ZYG11B: variants seen among roughly 807,000 people sequenced by gnomAD.
The protein encoded by ZYG11B is protein zyg-11 homolog B.
Under a neutral mutation model 82.4 loss-of-function variants are expected in ZYG11B, and 36 were observed. That is an observed-to-expected ratio of 0.44 (90% CI 0.33 to 0.58). The LOEUF (loss-of-function observed/expected upper bound fraction) is 0.58, where lower values mean the gene tolerates loss of function less well. Ranked by LOEUF, ZYG11B falls within the 20% of genes least tolerant of loss-of-function variation. The pLI, the probability that ZYG11B is intolerant of heterozygous loss-of-function variation, is 0.02. For synonymous variants in ZYG11B, 303 were observed against 312.8 expected (o/e 0.97, Z 0.33); for missense variants, 552 against 895.6 (o/e 0.62, Z 4.90).
At chr1:52,738,606 CTTTT>C (rs11390068) in intron 1 of ZYG11B, among the ~76,000 whole-genome samples, 1 of 140,814 alleles carries the variant, frequency 7.1e-6, no homozygotes, top group African/African-American at 2.6e-5. Flanking sequence ...TTTCTAAGGA[CTTTT>C]TTTTTTTTTT....
At position 52,822,780 on chromosome 1, in the gene ZYG11B, TA is replaced by T. The variant is rs1571807408; in HGVS notation, c.*1152del. ...ATAACAGCACATATTTTTGACAGAT[TA>T]TTTTTTAGGCAATTACCTTTCCTTA... On this transcript the variant is annotated 3_prime_UTR_variant, in exon 14 of 14. Coordinates refer to ENST00000294353, the MANE Select transcript of ZYG11B (RefSeq NM_024646.3). 1.3e-5 allele frequency: 2 copies of T among 152,354 alleles called. No individual in the cohort carries two copies. The highest frequency in any genetic ancestry group is 2.1e-4 in the South Asian group (1 of 4,828). The allele number at this position is 152,354 out of a possible 1,614,324, so 9.4% of individuals were successfully genotyped here.
intron 13 of ZYG11B, among the ~76,000 whole-genome samples, chr1:52,817,940 C>T (rs777034342): frequency 1.3e-4 from 18 of 143,336 alleles, no homozygotes; most frequent in Non-Finnish European, 2.6e-4. Context: ...CAGGTTCAAG[C>T]GATTCTCTTG....
chr1:52,796,702 G>C, intron 7 of ZYG11B, 32 bp from the exon 8 acceptor site: 1 of 1,573,116 alleles, frequency 6.4e-7, no homozygotes, highest in Non-Finnish European at 8.7e-7. Context: ...ATGAGTTCTT[G>C]GACATTGAAT....
chr1:52,797,610 G>A (rs1172176187), intron 8 of ZYG11B, among the ~76,000 whole-genome samples: 1 of 145,502 alleles, frequency 6.9e-6, no homozygotes, highest in Non-Finnish European at 1.5e-5. Flanking sequence ...CCAGGTTCAC[G>A]CCATTCTCCT....
chr1:52,815,200 ATT>A lies in ZYG11B; in HGVS notation c.1946+1290_1946+1291del, dbSNP rs151320792. On this transcript the variant is annotated intron_variant, in intron 12 of 13. Transcript: ENST00000294353. ...TTGGTTGGGGAAACAGTTTGTAATA[ATT>A]TATTAAAGGGCATACTGGGCCTGGC... is the stretch of plus-strand genomic sequence containing the variant. Among the ~76,000 whole-genome samples the A allele has an allele frequency of 6.4e-3, 975 of 151,974 alleles. 14 individuals carry two copies. The highest frequency in any genetic ancestry group is 0.023 in the African/African-American group (937 of 41,454).
chr1:52,743,510 G>A (rs1404473986), intron 1 of ZYG11B, among the ~76,000 whole-genome samples: 6 of 150,844 alleles, frequency 4.0e-5, no homozygotes, highest in African/African-American at 1.5e-4. Context: ...TCAGGAGTTC[G>A]AGACCAGCCT....
chr1:52,762,308 A>G (rs1644638895), intron 2 of ZYG11B, among the ~76,000 whole-genome samples: 1 of 151,576 alleles, frequency 6.6e-6, no homozygotes, highest in Admixed American at 6.6e-5. Flanking sequence ...CCCAGGCTCA[A>G]GCAATCCTCC....
chr1:52,767,094 A>G (rs12040433), intron 2 of ZYG11B, among the ~76,000 whole-genome samples: 36,899 of 147,276 alleles, frequency 0.25, 5,700 homozygotes, highest in Non-Finnish European at 0.34. Flanking sequence ...ATGTTATATT[A>G]TTTTGTTATG....
At chr1:52,809,128 T>C (rs1645163923) in intron 10 of ZYG11B, among the ~76,000 whole-genome samples, 1 of 152,206 alleles carries the variant, frequency 6.6e-6, no homozygotes, top group African/African-American at 2.4e-5. Context: ...TGCTTAGGTT[T>C]TAATTTACTT....
In ZYG11B at chr1:52,824,135, GA is replaced by G. The variant is rs924465633; in HGVS notation, c.*2516del. On this transcript the variant is annotated 3_prime_UTR_variant, in exon 14 of 14. Transcript: ENST00000294353. ...CTGGACAACGGAGTGAGACTCTGGG[GA>G]AAAAAAAAATTAAACTTCCTACTTT... 44 of 148,276 alleles carry G rather than the reference GA, an allele frequency of 3.0e-4. No individual in the cohort carries two copies. The highest frequency in any genetic ancestry group is 9.4e-4 in the African/African-American group (38 of 40,574). The allele number at this position is 148,276 out of a possible 1,614,324, so 9.2% of individuals were successfully genotyped here. A position where few individuals can be genotyped will look rare whatever the true frequency, so the allele number is the denominator to read the frequency against.
rs553211628 is a variant in ZYG11B, at chr1:52,788,463, G to A, written c.1270-1540G>A. On this transcript the variant is annotated intron_variant, in intron 5 of 13. Coordinates refer to ENST00000294353, the MANE Select transcript of ZYG11B (RefSeq NM_024646.3). The stretch of plus-strand genomic sequence containing the variant: ...TGTTGAAGTCAGACTATGTGCACCT[G>A]TGCCAAGTTCTAAGCATTCAGATAC... Among the ~76,000 whole-genome samples the A allele has an allele frequency of 2.6e-5, 4 of 152,320 alleles. No homozygotes were observed. In the East Asian group the frequency reaches 7.7e-4, roughly 29 times the overall value.
At chr1:52,788,015 G>A (rs1571779342) in intron 5 of ZYG11B, among the ~76,000 whole-genome samples, 4 of 152,174 alleles carry the variant, frequency 2.6e-5, no homozygotes, top group South Asian at 4.2e-4. Context: ...ATTTCCCATG[G>A]AGAAAAGCAG....
At chr1:52,730,244 C>G (rs1644319183) in intron 1 of ZYG11B, among the ~76,000 whole-genome samples, 1 of 152,150 alleles carries the variant, frequency 6.6e-6, no homozygotes, top group African/African-American at 2.4e-5. Flanking sequence ...TGTGTTGACA[C>G]TGGGGAAATG....
At chr1:52,735,057 A>C (rs868765636) in intron 1 of ZYG11B, among the ~76,000 whole-genome samples, 2 of 138,348 alleles carry the variant, frequency 1.4e-5, no homozygotes, top group East Asian at 4.3e-4. Context: ...TTTGAGACGG[A>C]GTTTCTCTCG....
At chr1:52,772,802 T>C (rs11206012) in intron 3 of ZYG11B, among the ~76,000 whole-genome samples, 89,818 of 151,650 alleles carry the variant, frequency 0.59, 29,312 homozygotes, top group East Asian at 0.96. Context: ...CTCAGTCCCC[T>C]GAGTAACTGG....
chr1:52,771,462 T>A lies in ZYG11B; in HGVS notation c.639T>A (p.Ser213=). The change falls in exon 3 of 14, where the codon TCT becomes TCA. Residue 213 remains serine, a synonymous_variant. Transcript: ENST00000294353. This position sits in a 1 kb window ranked among gnomAD's most constrained non-coding sequence, Gnocchi z 5.4. ...ALLACKDRLK[S]LTMHHLKCLK... ...TGGCCTGCAAAGACCGACTCAAGTCTCTAACCATGCACCACTTGAAATGTT... is the reference window on the plus strand; with the variant it reads ...TGGCCTGCAAAGACCGACTCAAGTCACTAACCATGCACCACTTGAAATGTT... 6.2e-7 allele frequency: 1 copy of A among 1,613,672 alleles called. No homozygotes were observed. The highest frequency in any genetic ancestry group is 8.5e-7 in the Non-Finnish European group (1 of 1,179,876).
chr1:52,768,550 T>C (rs1356603754), intron 2 of ZYG11B, among the ~76,000 whole-genome samples: 1 of 152,140 alleles, frequency 6.6e-6, no homozygotes, highest in Admixed American at 6.6e-5. Flanking sequence ...TTTAAGACTT[T>C]GCTTATGTTG....
intron 3 of ZYG11B, among the ~76,000 whole-genome samples, chr1:52,773,987 G>A (rs942975858): frequency 6.6e-6 from 1 of 151,632 alleles, no homozygotes; most frequent in Non-Finnish European, 1.5e-5. Context: ...TCTTAAGGGT[G>A]AGTAGCTCAG....
rs192294001 is a variant in ZYG11B at position 52,799,741 on chromosome 1, G to A, written c.1486-2078G>A. On this transcript the variant is annotated intron_variant, in intron 8 of 13. Coordinates refer to ENST00000294353, the MANE Select transcript of ZYG11B (RefSeq NM_024646.3). ...ATCGGGAAGGTGGAGGTTGCAGTGA[G>A]CCGAGACTGGGCCACTGCACTCCAG... Among the ~76,000 whole-genome samples, 65 of 152,142 alleles carry A rather than the reference G, an allele frequency of 4.3e-4. No homozygotes were observed. The East Asian group carries it at 9.5e-3, about 22-fold the overall frequency.
Sources: gnomAD v4.1 joint callset for allele counts (sites outside exome capture counted in the v4.1 genomes callset) on GRCh38, gnomAD v4.1.1 for gene constraint, Gnocchi (gnomAD v3.1) non-coding constraint, MANE v1.5 for transcripts, NCBI Gene and HGNC (gene_info 2026-07-23, HGNC 2026-07-21) for gene names.